The following TBC1D32 variants were observed in gnomAD, a reference collection of about 807,000 sequenced individuals.
The protein encoded by TBC1D32 is protein broad-minded.
In TBC1D32, 151 loss-of-function variants were observed where a neutral mutation model predicts 170.3. The ratio of observed to expected loss-of-function variants is 0.89; its 90% CI spans 0.78 to 1.01. The LOEUF (loss-of-function observed/expected upper bound fraction) is 1.01. Ranked by LOEUF, TBC1D32 falls within the 50% of genes least tolerant of loss-of-function variation. TBC1D32 has a pLI of 0.00. For synonymous variants in TBC1D32, 498 were observed against 488.0 expected, an observed-to-expected ratio of 1.02 and a Z score of -0.27; for missense variants, 1,464 against 1,457.1, an observed-to-expected ratio of 1.00 and a Z score of -0.08.
chr6:121,097,160 C>A (rs141789230), intron 30 of TBC1D32, among the ~76,000 whole-genome samples: 3,400 of 152,182 alleles, frequency 0.022, 52 homozygotes, highest in Non-Finnish European at 0.033. Context: ...GACTAAAACA[C>A]CAAAAGCAAT....
intron 26 of TBC1D32, among the ~76,000 whole-genome samples, chr6:121,119,876 G>T (rs1013165717): frequency 6.6e-6 from 1 of 152,018 alleles, no homozygotes. Flanking sequence ...GGTTTAGAAG[G>T]CTGTCTGTCA....
intron 24 of TBC1D32, among the ~76,000 whole-genome samples, chr6:121,154,412 T>C (rs1784610991): frequency 6.6e-6 from 1 of 152,212 alleles, no homozygotes; most frequent in South Asian, 2.1e-4. Context: ...CACTGGGATC[T>C]GAGGACTGGA....
chr6:121,121,753 T>C (rs1232242925), intron 26 of TBC1D32, among the ~76,000 whole-genome samples: 1 of 152,006 alleles, frequency 6.6e-6, no homozygotes, highest in East Asian at 1.9e-4. Context: ...CAAACATTTA[T>C]TGACGTTATT....
At chr6:121,185,343 T>C (rs1789058058) in intron 22 of TBC1D32, among the ~76,000 whole-genome samples, 1 of 152,208 alleles carries the variant, frequency 6.6e-6, no homozygotes, top group Middle Eastern at 3.4e-3. Context: ...GCTCATACAA[T>C]TCACTTGTGT....
At chr6:121,170,358 T>C (rs750853469) in intron 22 of TBC1D32, 14 of 1,514,398 alleles carry the variant, frequency 9.2e-6, no homozygotes, top group East Asian at 4.7e-5. Context: ...TAACAAAACA[T>C]CTCTAAAGAA....
chr6:121,201,911 G>C (rs76913634), intron 22 of TBC1D32, among the ~76,000 whole-genome samples: 4,327 of 151,128 alleles, frequency 0.029, 359 homozygotes, highest in African/African-American at 0.093. Context: ...AAGTTATGAT[G>C]ACTTTCAAAA....
At chr6:121,147,282 G>A (rs1226424088) in intron 24 of TBC1D32, among the ~76,000 whole-genome samples, 2 of 152,128 alleles carry the variant, frequency 1.3e-5, no homozygotes, top group Non-Finnish European at 2.9e-5. Context: ...ATGAAAACAC[G>A]AGTGCATGTG....
chr6:121,104,325 C>T (rs1778466472), intron 30 of TBC1D32, among the ~76,000 whole-genome samples: 1 of 151,532 alleles, frequency 6.6e-6, no homozygotes, highest in Non-Finnish European at 1.5e-5. Context: ...TGAAATTCAA[C>T]ACTATAATTT....
chr6:121,205,075 C>A lies in TBC1D32; in HGVS notation c.2570G>T (p.Arg857Met). The A allele has an allele frequency of 6.7e-7, 1 of 1,492,254 alleles. No homozygotes were observed. 92.4% of individuals were successfully genotyped at this position (1,492,254 alleles called of 1,614,324 possible). ...TCAAAAGTAAAATGTAGCATTTTACCTTAGACCAAAGATATGTGATTGTTC... is the reference window on the plus strand; with the variant it reads ...TCAAAAGTAAAATGTAGCATTTTACATTAGACCAAAGATATGTGATTGTTC... ...NYEQSHIFGL[R>M]DFIIDGLSVE... Residue 857 changes from arginine to methionine, a missense_variant and splice_region_variant, in exon 22 of 32, where the codon AGG (arginine) becomes ATG (methionine). Physicochemically the swap from Arg to Met is moderately conservative, Grantham distance 91. Transcript: ENST00000398212.
intron 1 of TBC1D32, among the ~76,000 whole-genome samples, chr6:121,331,559 A>G (rs1811224339): frequency 6.6e-6 from 1 of 152,086 alleles, no homozygotes; most frequent in Non-Finnish European, 1.5e-5. Context: ...TTTCTTGCTA[A>G]TTACAGGTCA....
intron 1 of TBC1D32, among the ~76,000 whole-genome samples, chr6:121,323,275 G>A (rs921458731): frequency 1.3e-5 from 2 of 150,572 alleles, no homozygotes; most frequent in African/African-American, 4.8e-5. Flanking sequence ...AGAGATTACT[G>A]CAGCAGCCTT....
intron 17 of TBC1D32, 66 bp downstream of exon 17, chr6:121,255,262 T>C: frequency 1.0e-6 from 1 of 987,846 alleles, no homozygotes; most frequent in Admixed American, 2.4e-5. Flanking sequence ...TTCTATTACA[T>C]TTTAATAATT....
intron 1 of TBC1D32, among the ~76,000 whole-genome samples, chr6:121,333,931 G>C (rs1427925836): frequency 6.6e-6 from 1 of 152,256 alleles, no homozygotes; most frequent in Non-Finnish European, 1.5e-5. Context: ...GCCGGCCGCG[G>C]TGGCGGGCAC....
At chr6:121,287,442 A>G (rs138448508) in intron 12 of TBC1D32, among the ~76,000 whole-genome samples, 1,697 of 152,354 alleles carry the variant, frequency 0.011, 10 homozygotes, top group Non-Finnish European at 0.018. Context: ...CAATTCAACA[A>G]GAAGAGCTAA....
intron 3 of TBC1D32, among the ~76,000 whole-genome samples, chr6:121,316,195 A>G (rs923611221): frequency 2.0e-5 from 3 of 152,156 alleles, no homozygotes; most frequent in Non-Finnish European, 4.4e-5. Context: ...GGAATTCGAC[A>G]AGGTCTTAAC....
chr6:121,111,402 C>A (rs1779193645), intron 29 of TBC1D32, among the ~76,000 whole-genome samples: 1 of 152,076 alleles, frequency 6.6e-6, no homozygotes, highest in South Asian at 2.1e-4. Flanking sequence ...GACACAAAAT[C>A]CATACCCATT....
At chr6:121,101,999 G>C (rs1178242163) in intron 30 of TBC1D32, among the ~76,000 whole-genome samples, 2 of 152,076 alleles carry the variant, frequency 1.3e-5, no homozygotes, top group Non-Finnish European at 2.9e-5. Flanking sequence ...TTGCTTCAAA[G>C]AGAATAAAAT....
At chr6:121,206,048 A>G (rs572723941) in intron 21 of TBC1D32, among the ~76,000 whole-genome samples, 6 of 152,018 alleles carry the variant, frequency 3.9e-5, no homozygotes, top group Non-Finnish European at 8.8e-5. Flanking sequence ...CGTCTCTAGT[A>G]AAAATACAAA....
chr6:121,160,083 C>T lies in TBC1D32; in HGVS notation c.2700G>A (p.Trp900Ter), dbSNP rs1785420716. 1 of 1,602,620 alleles carries T rather than the reference C, an allele frequency of 6.2e-7. No homozygotes were observed. Among genetic ancestry groups the T allele is most frequent in the South Asian group, 1.1e-5 (1 of 89,830 alleles). The change falls in exon 24 of 32, where the codon TGG becomes TGA. Residue 900 changes from tryptophan to a stop codon, truncating the protein, a stop_gained. Coordinates refer to ENST00000398212, the MANE Select transcript of TBC1D32 (RefSeq NM_152730.6). LOFTEE classifies it high-confidence loss of function. The stretch of plus-strand genomic sequence containing the variant: ...GCAATGGATATGATGAAAACATTGG[C>T]CAAGGATATGGATTATCACTCTAAA... ...LLEKSDNPYP[W>*]PMFSSYPLPN...
Sources: gnomAD v4.1 joint callset for allele counts (sites outside exome capture counted in the v4.1 genomes callset) on GRCh38, gnomAD v4.1.1 for gene constraint, MANE v1.5 for transcripts, NCBI Gene and HGNC (gene_info 2026-07-23, HGNC 2026-07-21) for gene names.